The following U2SURP variants were observed in gnomAD, a reference collection of about 807,000 sequenced individuals.
The protein encoded by U2SURP is U2 snRNP associated SURP domain containing.
U2SURP carries 9 observed loss-of-function variants against 144.9 expected under a neutral mutation model. The ratio of observed to expected loss-of-function variants is 0.06; its 90% CI spans 0.04 to 0.11. U2SURP has a LOEUF of 0.11. U2SURP is among the 10% of genes least tolerant of loss of function. The pLI is 1.00. For synonymous variants in U2SURP, 408 were observed against 396.8 expected (o/e 1.03, Z -0.33); for missense variants, 724 against 1,226.7 (o/e 0.59, Z 6.12).
In U2SURP at chr3:143,058,592, A is replaced by G. The variant is rs1367077848; in HGVS notation, c.*2142A>G. 1 of 151,784 alleles carries G rather than the reference A, an allele frequency of 6.6e-6. No homozygotes were observed. Among genetic ancestry groups the G allele is most frequent in the Non-Finnish European group, 1.5e-5 (1 of 67,776 alleles). 9.4% of individuals were successfully genotyped at this position (151,784 alleles called of 1,614,324 possible). A position where few individuals can be genotyped will look rare whatever the true frequency, so the allele number is the denominator to read the frequency against. ...TGGATTTTTTTTTCTTGAATTGCAA[A>G]TGGTATTATTAGATAGGTTATTTCC... On this transcript the variant is annotated 3_prime_UTR_variant, in exon 28 of 28. Transcript: ENST00000473835.
In U2SURP at chr3:143,014,424, G is replaced by T; in HGVS notation, c.321+15G>T. The T allele has an allele frequency of 2.6e-6, 4 of 1,539,814 alleles. No homozygotes were observed. The highest frequency in any genetic ancestry group is 3.6e-6 in the Non-Finnish European group (4 of 1,119,868). Reference sequence around the variant, plus strand: ...TAAAGAAAAAGGTAATGTTGAAAATGTATTTTGAATTATCCTTGGAAATGA... The same window carrying T: ...TAAAGAAAAAGGTAATGTTGAAAATTTATTTTGAATTATCCTTGGAAATGA... On this transcript the variant is annotated intron_variant, in intron 4 of 27. Transcript: ENST00000473835.
chr3:143,029,038 A>G (rs920277649), intron 16 of U2SURP, among the ~76,000 whole-genome samples: 3 of 152,206 alleles, frequency 2.0e-5, no homozygotes, highest in Admixed American at 6.5e-5. Flanking sequence ...CCGCTACATG[A>G]TAACTTTCAC....
chr3:143,020,477 G>A (rs2108282093), intron 7 of U2SURP, 122 bp from the exon 8 acceptor site: 5 of 698,842 alleles, frequency 7.2e-6, no homozygotes. Flanking sequence ...TTGGTTATCA[G>A]TACCAGTATT....
Position 143,014,314 on chromosome 3 carries a change from C to T in U2SURP, c.226C>T (p.Leu76Phe), listed in dbSNP as rs921402160. The change falls in exon 4 of 28, where the codon CTT (leucine) becomes TTT (phenylalanine). Residue 76 changes from leucine (L) to phenylalanine (F), a missense_variant. Physicochemically the swap from Leu to Phe is conservative, Grantham distance 22. This residue lies in a region of U2SURP where 127 missense variants were observed against 98.2 expected (regional missense o/e 1.29). Coordinates refer to ENST00000473835, the MANE Select transcript of U2SURP (RefSeq NM_001080415.2). The part of the protein sequence containing the change: ...DSPHQNLSRP[L>F]LENKLKAFSI... ...AAGTATGCTTTTTATTTCTTAGCCT[C>T]TTCTGGAAAACAAACTTAAAGCATT... 1.9e-6 allele frequency: 3 copies of T among 1,596,418 alleles called. No individual in the cohort carries two copies. The highest frequency in any genetic ancestry group is 2.6e-6 in the Non-Finnish European group (3 of 1,171,234).
intron 1 of U2SURP, among the ~76,000 whole-genome samples, chr3:143,006,104 C>A (rs956184879): frequency 6.6e-6 from 1 of 152,192 alleles, no homozygotes; most frequent in African/African-American, 2.4e-5. Context: ...GGCCCTTCCT[C>A]AGTTTAGATA....
In U2SURP at chr3:143,016,366, C is replaced by G; in HGVS notation, c.431C>G (p.Ala144Gly). ...TFVRGGVVNA[A>G]KEEHETDEKR... is the part of the protein sequence containing the mutation. ...GTGCGAGGGGGTGTTGTTAATGCAG[C>G]TAAAGGTAAGTTTATAAAGTATAAC... The change falls in exon 5 of 28, where the codon GCT (alanine) becomes GGT (glycine). Residue 144 changes from alanine (A) to glycine (G), a missense_variant. Around this residue, in one of 13 missense-constraint regions of U2SURP, gnomAD observed 115 missense variants for 258.1 expected, o/e 0.45. Transcript: ENST00000473835. The G allele has an allele frequency of 6.2e-7, 1 of 1,611,072 alleles. No homozygotes were observed. Among genetic ancestry groups the G allele is most frequent in the African/African-American group, 1.3e-5 (1 of 74,888 alleles).
chr3:143,030,066 G>A (rs757276488), intron 16 of U2SURP, among the ~76,000 whole-genome samples: 20 of 152,234 alleles, frequency 1.3e-4, no homozygotes, highest in Admixed American at 4.6e-4. Flanking sequence ...AAAGTTCAAG[G>A]TGAAGCAGCA....
At chr3:143,033,129 T>G in intron 17 of U2SURP, 142 bp from the exon 18 acceptor site, 1 of 836,518 alleles carries the variant, frequency 1.2e-6, no homozygotes, top group East Asian at 2.7e-5. Context: ...TGTAAATGGG[T>G]TAACAAATTT....
chr3:143,017,447 T>C lies in U2SURP; in HGVS notation c.570+472T>C, dbSNP rs556540612. 6 of 152,298 alleles carry C rather than the reference T, an allele frequency of 3.9e-5. No homozygotes were observed. The East Asian group carries it at 1.2e-3, about 29-fold the overall frequency. 9.4% of individuals were successfully genotyped at this position (152,298 alleles called of 1,614,324 possible). A position where few individuals can be genotyped will look rare whatever the true frequency, so the allele number is the denominator to read the frequency against. ...TTTTTTTTTCTTTGAGGGTTTAGTT[T>C]TTATGGGAGATGGTAGACAGATGTG... On this transcript the variant is annotated intron_variant, in intron 6 of 27. Coordinates refer to ENST00000473835, the MANE Select transcript of U2SURP (RefSeq NM_001080415.2).
intron 6 of U2SURP, chr3:143,017,279 G>A (rs1261756023): frequency 4.7e-6 from 1 of 212,534 alleles, no homozygotes; most frequent in Non-Finnish European, 9.2e-6. Context: ...ACTTGCAATG[G>A]GGTTGTCTTT....
rs1350371405 is a variant in U2SURP, at chr3:143,058,123, AAG to A, written c.*1674_*1675del. 5.2e-4 allele frequency: 79 copies of A among 152,526 alleles called. No homozygotes were observed. The highest frequency in any genetic ancestry group is 1.9e-3 in the African/African-American group (79 of 41,572). The allele number at this position is 152,526 out of a possible 1,614,324, so 9.4% of individuals were successfully genotyped here. A position where few individuals can be genotyped will look rare whatever the true frequency, so the allele number is the denominator to read the frequency against. ...AAACCTACAAATGTAGCCATTTAAA[AAG>A]TAACATGTTTTTCTCCCCTGCTCAT... On this transcript the variant is annotated 3_prime_UTR_variant, in exon 28 of 28. Coordinates refer to ENST00000473835, the MANE Select transcript of U2SURP (RefSeq NM_001080415.2).
At chr3:143,022,172 C>G (rs11707301) in intron 10 of U2SURP, among the ~76,000 whole-genome samples, 1 of 152,144 alleles carries the variant, frequency 6.6e-6, no homozygotes, top group East Asian at 1.9e-4. Flanking sequence ...TACTAAATGC[C>G]TAAACAAACC....
chr3:143,029,859 T>C (rs1014588074), intron 16 of U2SURP, among the ~76,000 whole-genome samples: 1 of 152,206 alleles, frequency 6.6e-6, no homozygotes, highest in African/African-American at 2.4e-5. Context: ...AATAGCCTTA[T>C]TACTGATAGA....
chr3:143,057,321 A>G lies in U2SURP; in HGVS notation c.*871A>G, dbSNP rs922270347. 24 of 152,506 alleles carry G rather than the reference A, an allele frequency of 1.6e-4. No homozygotes were observed. The highest frequency in any genetic ancestry group is 4.1e-4 in the African/African-American group (17 of 41,546). The allele number at this position is 152,506 out of a possible 1,614,324, so 9.4% of individuals were successfully genotyped here. ...TCTCTTGTATGATCGTTGACCTTTT[A>G]TAATCTTCTGTAGGCTATCTTTCAA... On this transcript the variant is annotated 3_prime_UTR_variant, in exon 28 of 28. Transcript: ENST00000473835.
chr3:143,006,865 T>A (rs911223130), intron 1 of U2SURP, among the ~76,000 whole-genome samples: 8 of 152,158 alleles, frequency 5.3e-5, no homozygotes, highest in Non-Finnish European at 8.8e-5. Flanking sequence ...GAGATGAAAG[T>A]TGCTTCTCTT....
At position 143,056,398 on chromosome 3, in the gene U2SURP, A is replaced by G. The variant is rs932535925; in HGVS notation, c.3038A>G (p.Gln1013Arg). 1.2e-6 allele frequency: 2 copies of G among 1,613,006 alleles called. No individual in the cohort carries two copies. The highest frequency in any genetic ancestry group is 1.7e-6 in the Non-Finnish European group (2 of 1,179,352). Reference sequence around the variant, plus strand: ...AAATCAGGAAAGAAGTCCAGATCCCAGTCCAGATCTCCACACAGGTCTCAT... The same window carrying G: ...AAATCAGGAAAGAAGTCCAGATCCCGGTCCAGATCTCCACACAGGTCTCAT... ...PKKSGKKSRS[Q>R]SRSPHRSHKK... is the part of the protein sequence containing the mutation. The change falls in exon 28 of 28, where the codon CAG becomes CGG. Residue 1013 changes from glutamine to arginine, a missense_variant. Physicochemically the swap from Gln to Arg is conservative, Grantham distance 43. This residue lies in a region of U2SURP where 129 missense variants were observed against 196.1 expected (regional missense o/e 0.66). Coordinates refer to ENST00000473835, the MANE Select transcript of U2SURP (RefSeq NM_001080415.2).
intron 24 of U2SURP, among the ~76,000 whole-genome samples, chr3:143,043,717 GTATA>G (rs5853088): frequency 0.47 from 68,541 of 147,240 alleles, 17,215 homozygotes; most frequent in African/African-American, 0.68. Context: ...TAGATTATAT[GTATA>G]TATATATATA....
At chr3:143,040,360 T>C (rs1934040658) in intron 23 of U2SURP, among the ~76,000 whole-genome samples, 1 of 151,810 alleles carries the variant, frequency 6.6e-6, no homozygotes, top group Non-Finnish European at 1.5e-5. Flanking sequence ...TTCAGGTAAA[T>C]CATGATAATG....
chr3:143,049,298 A>G (rs1159026586), intron 24 of U2SURP, among the ~76,000 whole-genome samples: 2 of 147,594 alleles, frequency 1.4e-5, no homozygotes, highest in Non-Finnish European at 3.0e-5. Context: ...AAAAAGAAAG[A>G]AAATACCACT....
Sources: allele counts gnomAD v4.1 joint callset (sites outside exome capture counted in the v4.1 genomes callset), GRCh38; gene constraint gnomAD v4.1.1; regional missense constraint gnomAD v4.1.1; transcripts MANE v1.5; gene names NCBI Gene and HGNC (gene_info 2026-07-23, HGNC 2026-07-21).